The following VWA3B variants were observed in gnomAD, a reference collection of about 807,000 sequenced individuals.
VWA3B encodes the protein von Willebrand factor A domain containing 3B.
VWA3B carries 138 observed loss-of-function variants against 158.3 expected under a neutral mutation model. That is an observed-to-expected ratio of 0.87 (90% CI 0.76 to 1.00). VWA3B has a LOEUF of 1.00. VWA3B is among the 50% of genes least tolerant of loss of function. VWA3B has a pLI of 0.00. For synonymous variants in VWA3B, 596 were observed against 587.3 expected (o/e 1.01, Z -0.21); for missense variants, 1,555 against 1,565.1 (o/e 0.99, Z 0.11).
At chr2:98,164,824 A>G (rs1204514390) in intron 8 of VWA3B, among the ~76,000 whole-genome samples, 1 of 152,208 alleles carries the variant, frequency 6.6e-6, no homozygotes, top group Non-Finnish European at 1.5e-5. Flanking sequence ...TTGAGACTAC[A>G]CAAAATATTT....
chr2:98,290,541 A>G lies in VWA3B; in HGVS notation c.3076A>G (p.Lys1026Glu). ...GAAATTGCAAGGAAATCCAACAAAG[A>G]AAACCAAATCAAAAAGACCAGATCC... is the stretch of plus-strand genomic sequence containing the variant. Reference protein sequence around the residue: ...QQKLQGNPTKKTKSKRPDPLK... With the variant: ...QQKLQGNPTKETKSKRPDPLK... The change falls in exon 23 of 28, where the codon AAA becomes GAA. Residue 1026 changes from lysine to glutamate, a missense_variant. Lys to Glu is a moderately conservative substitution (Grantham distance 56, BLOSUM62 1). Coordinates refer to ENST00000477737, the MANE Select transcript of VWA3B (RefSeq NM_144992.5). 6.3e-7 allele frequency: 1 copy of G among 1,583,482 alleles called. No homozygotes were observed. Among genetic ancestry groups the G allele is most frequent in the Non-Finnish European group, 8.5e-7 (1 of 1,172,112 alleles).
chr2:98,223,103 A>G (rs569809307), intron 14 of VWA3B, among the ~76,000 whole-genome samples: 1 of 152,342 alleles, frequency 6.6e-6, no homozygotes, highest in African/African-American at 2.4e-5. Flanking sequence ...AAACAAATGA[A>G]CAAATAGGCA....
intron 22 of VWA3B, among the ~76,000 whole-genome samples, chr2:98,283,325 A>C (rs1472337976): frequency 6.6e-6 from 1 of 152,244 alleles, no homozygotes; most frequent in Non-Finnish European, 1.5e-5. Context: ...GTCTGGAGAC[A>C]GAGAGACTGT....
At chr2:98,165,779 C>T (rs1679016727) in intron 8 of VWA3B, among the ~76,000 whole-genome samples, 1 of 152,018 alleles carries the variant, frequency 6.6e-6, no homozygotes, top group Admixed American at 6.5e-5. Context: ...TGAGAGGGAC[C>T]TAATAGGCTT....
intron 13 of VWA3B, among the ~76,000 whole-genome samples, chr2:98,215,465 CA>C (rs1263630063): frequency 6.7e-6 from 1 of 150,212 alleles, no homozygotes; most frequent in African/African-American, 2.5e-5. Flanking sequence ...AAACAAAAAA[CA>C]AAAAAGATGG....
intron 1 of VWA3B, among the ~76,000 whole-genome samples, chr2:98,092,596 T>C (rs1454504033): frequency 6.6e-6 from 1 of 151,924 alleles, no homozygotes; most frequent in African/African-American, 2.4e-5. Context: ...TGAGCCTAGA[T>C]TGTGCCACTG....
intron 22 of VWA3B, among the ~76,000 whole-genome samples, chr2:98,271,847 T>C (rs62157901): frequency 0.13 from 20,402 of 152,240 alleles, 2,083 homozygotes; most frequent in Non-Finnish European, 0.2. Context: ...CATGGGTGTG[T>C]GTGGACGGTG....
In VWA3B at chr2:98,133,807, A is replaced by G. The variant is rs1317317524; in HGVS notation, c.873-17A>G. ...CCTGCGTACTGCCTTCCTAATGAGC[A>G]TCTCTTCACGTTTCAGATTCCACGC... On this transcript the variant is annotated splice_polypyrimidine_tract_variant and intron_variant, in intron 6 of 27. Coordinates refer to ENST00000477737, the MANE Select transcript of VWA3B (RefSeq NM_144992.5). The G allele has an allele frequency of 1.2e-6, 2 of 1,611,606 alleles. No homozygotes were observed. Among genetic ancestry groups the G allele is most frequent in the Non-Finnish European group, 1.7e-6 (2 of 1,177,884 alleles).
chr2:98,323,105 T>C, the VWA3B span, among the ~76,000 whole-genome samples: 80 of 152,328 alleles, frequency 5.3e-4, no homozygotes, highest in African/African-American at 1.9e-3. Context: ...GGAAAATGTA[T>C]TCTATTCTTA....
rs1168092660 is a variant in VWA3B at position 98,234,887 on chromosome 2, C to T, written c.2428+120C>T. 5 of 1,422,536 alleles carry T rather than the reference C, an allele frequency of 3.5e-6. No individual in the cohort carries two copies. The African/African-American group carries it at 7.1e-5, about 20-fold the overall frequency. 88.1% of individuals were successfully genotyped at this position (1,422,536 alleles called of 1,614,324 possible). A position where few individuals can be genotyped will look rare whatever the true frequency, so the allele number is the denominator to read the frequency against. ...TATTTTAAATGGGCCCAGATTGCTT[C>T]CTATTCAAAGGAATCCCTTGTAAGT... On this transcript the variant is annotated intron_variant, in intron 17 of 27. Transcript: ENST00000477737.
intron 12 of VWA3B, among the ~76,000 whole-genome samples, chr2:98,208,270 C>T (rs533658647): frequency 2.6e-5 from 4 of 152,164 alleles, no homozygotes; most frequent in Admixed American, 2.6e-4. Flanking sequence ...AAGTGAGTTT[C>T]CTGTAGACAG....
At chr2:98,112,596 G>A (rs1674225973) in intron 2 of VWA3B, among the ~76,000 whole-genome samples, 1 of 150,858 alleles carries the variant, frequency 6.6e-6, no homozygotes, top group South Asian at 2.1e-4. Flanking sequence ...CTTTATTCTT[G>A]TTTTCAGCTA....
chr2:98,280,561 G>A (rs1344931683), intron 22 of VWA3B, among the ~76,000 whole-genome samples: 3 of 152,206 alleles, frequency 2.0e-5, no homozygotes, highest in Admixed American at 1.3e-4. Context: ...CCATTCGCAC[G>A]GCACAAAGCG....
intron 9 of VWA3B, among the ~76,000 whole-genome samples, chr2:98,184,510 A>C (rs1680854014): frequency 6.6e-6 from 1 of 152,328 alleles, no homozygotes; most frequent in African/African-American, 2.4e-5. Flanking sequence ...CCAGTAGTCT[A>C]CTGAGTCCAC....
At chr2:98,316,915 A>G (rs1331082853), downstream of VWA3B, among the ~76,000 whole-genome samples, 2 of 152,194 alleles carry the variant, frequency 1.3e-5, no homozygotes, top group Non-Finnish European at 2.9e-5. Context: ...CCAGAAGCAG[A>G]TGCTGCCATG....
At chr2:98,280,513 G>T (rs1400860154) in intron 22 of VWA3B, among the ~76,000 whole-genome samples, 1 of 152,210 alleles carries the variant, frequency 6.6e-6, no homozygotes, top group African/African-American at 2.4e-5. Context: ...TTCCTGGTTC[G>T]GGGATCTGTC....
intron 7 of VWA3B, among the ~76,000 whole-genome samples, chr2:98,137,110 G>C (rs189930841): frequency 1.3e-5 from 2 of 152,200 alleles, no homozygotes; most frequent in Non-Finnish European, 2.9e-5. Flanking sequence ...ATGAATATGG[G>C]TGTACAAAAT....
chr2:98,128,443 C>A, intron 6 of VWA3B, 35 bp downstream of exon 6: 18 of 1,602,208 alleles, frequency 1.1e-5, no homozygotes, highest in Non-Finnish European at 1.5e-5. Flanking sequence ...TGACAGCAAG[C>A]GGGTTGCCTG....
At chr2:98,318,291 T>G (rs530768595), downstream of VWA3B, among the ~76,000 whole-genome samples, 6 of 152,282 alleles carry the variant, frequency 3.9e-5, no homozygotes, top group Non-Finnish European at 7.3e-5. Context: ...TTCAGTACTA[T>G]TCACAATAGC....
Sources: gnomAD v4.1 joint callset for allele counts (sites outside exome capture counted in the v4.1 genomes callset) on GRCh38, gnomAD v4.1.1 for gene constraint, MANE v1.5 for transcripts, NCBI Gene and HGNC (gene_info 2026-07-23, HGNC 2026-07-21) for gene names.